Variants in SMAD3 observed in about 807,000 individuals in gnomAD.
SMAD3 encodes SMAD family member 3.
SMAD3 carries 12 observed loss-of-function variants against 51.8 expected under a neutral mutation model. The observed-to-expected ratio is 0.23, with a 90% confidence interval of 0.15 to 0.38. SMAD3 has a LOEUF of 0.38. Among genes scored for constraint, SMAD3 ranks in the 10% least tolerant of loss-of-function variants. SMAD3 has a pLI of 1.00. For synonymous variants in SMAD3, 238 were observed against 227.7 expected, an observed-to-expected ratio of 1.05 and a Z score of -0.41; for missense variants, 294 against 565.6, an observed-to-expected ratio of 0.52 and a Z score of 4.87.
At chr15:67,183,816 AAAAGT>A (rs1963147885) in intron 6 of SMAD3, among the ~76,000 whole-genome samples, 1 of 152,246 alleles carries the variant, frequency 6.6e-6, no homozygotes, top group Admixed American at 6.5e-5. Flanking sequence ...GAGATGAAAG[AAAAGT>A]AAATGATATA....
At chr15:67,184,028 A>C (rs994321542) in intron 6 of SMAD3, among the ~76,000 whole-genome samples, 6 of 152,094 alleles carry the variant, frequency 3.9e-5, no homozygotes, top group Non-Finnish European at 1.5e-5. Flanking sequence ...CAGTAGCAGC[A>C]AGAAAAGCTG....
At chr15:67,117,481 G>A (rs1003546339) in intron 1 of SMAD3, among the ~76,000 whole-genome samples, 1 of 152,130 alleles carries the variant, frequency 6.6e-6, no homozygotes, top group Non-Finnish European at 1.5e-5. Context: ...TTCCAGCCCA[G>A]TGCCACCCCA....
chr15:67,146,075 A>G (rs1405258743), intron 1 of SMAD3: 4 of 152,208 alleles, frequency 2.6e-5, no homozygotes, highest in African/African-American at 9.7e-5. Context: ...CTAGGAAGCA[A>G]CTGGTCAGTG....
At chr15:67,108,298 C>T (rs911376644) in intron 1 of SMAD3, among the ~76,000 whole-genome samples, 4 of 152,244 alleles carry the variant, frequency 2.6e-5, no homozygotes, top group Admixed American at 2.0e-4. Flanking sequence ...GTGAAAATCA[C>T]TGGAATTGAA....
At chr15:67,184,886 C>T (rs1221045566) in intron 7 of SMAD3, 22 bp downstream of exon 7, 5 of 1,612,140 alleles carry the variant, frequency 3.1e-6, no homozygotes, top group Non-Finnish European at 4.2e-6. Flanking sequence ...GCACAGGCAC[C>T]CCTGCCTTGA....
chr15:67,169,633 T>A (rs914674160), intron 4 of SMAD3, among the ~76,000 whole-genome samples: 19 of 150,850 alleles, frequency 1.3e-4, no homozygotes, highest in East Asian at 1.2e-3. Context: ...TTTTTTTTTT[T>A]TTTTTTTTCT....
intron 1 of SMAD3, among the ~76,000 whole-genome samples, chr15:67,097,479 A>G (rs562938551): frequency 6.6e-6 from 1 of 152,210 alleles, no homozygotes; most frequent in South Asian, 2.1e-4. Flanking sequence ...TTGTGAGCTC[A>G]GGCTATCTGC....
chr15:67,117,918 C>G (rs1489966521), intron 1 of SMAD3, among the ~76,000 whole-genome samples: 1 of 152,042 alleles, frequency 6.6e-6, no homozygotes, highest in Non-Finnish European at 1.5e-5. Flanking sequence ...GTGGCAAAAC[C>G]CCGTCTCTGC....
At chr15:67,171,675 A>G (rs16950687) in intron 5 of SMAD3, among the ~76,000 whole-genome samples, 50,598 of 152,000 alleles carry the variant, frequency 0.33, 8,931 homozygotes, top group African/African-American at 0.44. Flanking sequence ...CATCATTTGG[A>G]ATATTAGGAG....
In SMAD3 at chr15:67,190,596, G is replaced by C; in HGVS notation, c.*60G>C. ...GGAAAATGGCCATGCAGGAGGTGGAGAAAATTGGAACTCTACTCAACCCAT... is the reference window on the plus strand; with the variant it reads ...GGAAAATGGCCATGCAGGAGGTGGACAAAATTGGAACTCTACTCAACCCAT... On this transcript the variant is annotated 3_prime_UTR_variant, in exon 9 of 9. Transcript: ENST00000327367. The C allele has an allele frequency of 2.6e-6, 4 of 1,554,276 alleles. No individual in the cohort carries two copies. The highest frequency in any genetic ancestry group is 1.4e-5 in the African/African-American group (1 of 73,896).
At chr15:67,094,803 A>G (rs1464647535) in intron 1 of SMAD3, among the ~76,000 whole-genome samples, 1 of 96,010 alleles carries the variant, frequency 1.0e-5, no homozygotes, top group Non-Finnish European at 2.1e-5. Flanking sequence ...GATGTTCCAG[A>G]GCGTTTGGAG....
At chr15:67,149,377 G>A (rs955422549) in intron 1 of SMAD3, among the ~76,000 whole-genome samples, 1 of 152,186 alleles carries the variant, frequency 6.6e-6, no homozygotes, top group Non-Finnish European at 1.5e-5. Flanking sequence ...CTGATACCGG[G>A]GAGAGTTGTA....
chr15:67,138,461 G>T (rs1011345820), intron 1 of SMAD3: 9 of 277,648 alleles, frequency 3.2e-5, no homozygotes, highest in East Asian at 7.9e-5. Flanking sequence ...TTCCTTTCCA[G>T]TCATCGCTGT....
chr15:67,095,423 G>C (rs1407662768), intron 1 of SMAD3, among the ~76,000 whole-genome samples: 2 of 152,154 alleles, frequency 1.3e-5, no homozygotes, highest in African/African-American at 2.4e-5. Flanking sequence ...TCTTGAGCCT[G>C]TCCTTACACA....
At chr15:67,117,029 G>T (rs748444808) in intron 1 of SMAD3, among the ~76,000 whole-genome samples, 1 of 152,060 alleles carries the variant, frequency 6.6e-6, no homozygotes, top group Non-Finnish European at 1.5e-5. Context: ...CATAGCTCCC[G>T]GGCCCTCCAT....
rs191262701 is a variant in SMAD3, at chr15:67,149,644, A to G, written c.207-15251A>G. Among the ~76,000 whole-genome samples the G allele has an allele frequency of 2.0e-3, 301 of 151,664 alleles. 2 individuals carry two copies. The highest frequency in any genetic ancestry group is 6.9e-3 in the Middle Eastern group (2 of 290). On this transcript the variant is annotated intron_variant, in intron 1 of 8. Transcript: ENST00000327367. ...CTGTCTTAGGTGAATTGCCCCAATG[A>G]ACCAGAACCTTTTTTTTTTTAGGTA...
chr15:67,067,265 C>G (rs1260537040), intron 1 of SMAD3, among the ~76,000 whole-genome samples: 1 of 152,188 alleles, frequency 6.6e-6, no homozygotes, highest in East Asian at 1.9e-4. Flanking sequence ...TTATCCTTCC[C>G]GTTGCGCGCT....
intron 1 of SMAD3, among the ~76,000 whole-genome samples, chr15:67,097,125 T>C (rs1216232455): frequency 6.6e-6 from 1 of 152,324 alleles, no homozygotes; most frequent in African/African-American, 2.4e-5. Context: ...GCAGTGTAGT[T>C]GTTAAAAATG....
intron 1 of SMAD3, among the ~76,000 whole-genome samples, chr15:67,127,773 G>A (rs1478813338): frequency 6.6e-6 from 1 of 152,064 alleles, no homozygotes; most frequent in African/African-American, 2.4e-5. Flanking sequence ...AGTCTATTCT[G>A]TGTCGGGCTC....
Sources: gnomAD v4.1 joint callset for allele counts (sites outside exome capture counted in the v4.1 genomes callset) on GRCh38, gnomAD v4.1.1 for gene constraint, MANE v1.5 for transcripts, NCBI Gene and HGNC (gene_info 2026-07-23, HGNC 2026-07-21) for gene names.